WASF3: variants seen among roughly 807,000 people sequenced by gnomAD.
WASF3 encodes WASP family member 3, also known as actin-binding protein WASF3.
A neutral mutation model predicts 46.6 loss-of-function variants in WASF3; 11 were observed. That is an observed-to-expected ratio of 0.24 (90% CI 0.15 to 0.39). WASF3 has a LOEUF of 0.39. Ranked by LOEUF, WASF3 falls within the 10% of genes least tolerant of loss-of-function variation. The pLI, the probability that WASF3 is intolerant of heterozygous loss-of-function variation, is 1.00. For missense variants in WASF3, 576 were observed against 669.8 expected (o/e 0.86, Z 1.55); for synonymous variants, 242 against 259.7 (o/e 0.93, Z 0.65).
chr13:26,548,938 T>A, the WASF3 span, among the ~76,000 whole-genome samples: 1 of 152,086 alleles, frequency 6.6e-6, no homozygotes, highest in Non-Finnish European at 1.5e-5. Flanking sequence ...ATTTACCATC[T>A]ACTTCTCCCC....
the WASF3 span, among the ~76,000 whole-genome samples, chr13:26,541,279 G>A: frequency 5.1e-4 from 78 of 152,228 alleles, no homozygotes; most frequent in African/African-American, 1.8e-3. Context: ...GCCAAATCTC[G>A]AGGGCAGGGA....
intron 3 of WASF3, among the ~76,000 whole-genome samples, chr13:26,659,755 TGA>T (rs1297754268): frequency 6.6e-6 from 1 of 151,930 alleles, no homozygotes; most frequent in Non-Finnish European, 1.5e-5. Flanking sequence ...GTGTGGAGTG[TGA>T]GTGATTGAGA....
intron 6 of WASF3, 95 bp downstream of exon 6, chr13:26,672,084 T>C: frequency 1.0e-6 from 1 of 987,354 alleles, no homozygotes; most frequent in Non-Finnish European, 1.5e-6. Flanking sequence ...AGATATTGGA[T>C]ATAGTGCTGA....
At chr13:26,563,917 A>G (rs76515460) in intron 1 of WASF3, among the ~76,000 whole-genome samples, 3,254 of 151,906 alleles carry the variant, frequency 0.021, 123 homozygotes, top group African/African-American at 0.074. Flanking sequence ...TGATTTCTCA[A>G]CTTTGTACTT....
the WASF3 span, among the ~76,000 whole-genome samples, chr13:26,540,316 C>T: frequency 6.6e-6 from 1 of 152,196 alleles, no homozygotes; most frequent in Non-Finnish European, 1.5e-5. Flanking sequence ...GCCCAGGGCT[C>T]ATAAGTGGAG....
At chr13:26,606,061 G>A (rs532795107) in intron 1 of WASF3, among the ~76,000 whole-genome samples, 1 of 152,240 alleles carries the variant, frequency 6.6e-6, no homozygotes, top group African/African-American at 2.4e-5. Context: ...CTGGTGGGGC[G>A]GCACCTGGTG....
intron 3 of WASF3, among the ~76,000 whole-genome samples, chr13:26,661,260 C>T (rs548160501): frequency 9.2e-5 from 14 of 152,292 alleles, no homozygotes; most frequent in Non-Finnish European, 1.5e-4. Context: ...ACTCTGCGCT[C>T]GTTACAGAAC....
intron 2 of WASF3, among the ~76,000 whole-genome samples, chr13:26,620,382 C>T (rs1326870054): frequency 6.6e-6 from 1 of 151,364 alleles, no homozygotes; most frequent in Non-Finnish European, 1.5e-5. Flanking sequence ...TCTAAAAGGA[C>T]TTAGAAATAA....
chr13:26,568,141 T>G (rs1157368284), intron 1 of WASF3, among the ~76,000 whole-genome samples: 1 of 151,988 alleles, frequency 6.6e-6, no homozygotes, highest in Non-Finnish European at 1.5e-5. Flanking sequence ...GCACTTTGGA[T>G]TTTATTCTGA....
chr13:26,667,721 G>A (rs774692814), intron 5 of WASF3, 51 bp downstream of exon 5: 202 of 1,559,384 alleles, frequency 1.3e-4, no homozygotes, highest in Non-Finnish European at 1.7e-4. Flanking sequence ...GGGAGAGCTG[G>A]GCAGAGCTGG....
intron 3 of WASF3, among the ~76,000 whole-genome samples, chr13:26,655,869 A>G (rs1001505380): frequency 1.3e-5 from 2 of 152,042 alleles, no homozygotes; most frequent in Admixed American, 1.3e-4. Context: ...CTCCCCACCA[A>G]TCTCGGAAGT....
intron 8 of WASF3, among the ~76,000 whole-genome samples, chr13:26,681,957 G>A (rs539804484): frequency 2.6e-5 from 4 of 152,268 alleles, no homozygotes; most frequent in East Asian, 1.9e-4. Flanking sequence ...CTGCTAACAC[G>A]TGTCTGCACA....
intron 1 of WASF3, chr13:26,606,827 C>T (rs1411056709): frequency 6.6e-6 from 1 of 152,148 alleles, no homozygotes; most frequent in Non-Finnish European, 1.5e-5. Flanking sequence ...TTTCCATGCT[C>T]AGTAGTCCCC....
Position 26,688,848 on chromosome 13 carries a change from A to G in WASF3, c.*3003A>G, listed in dbSNP as rs1883488698. The G allele has an allele frequency of 6.6e-6, 1 of 152,192 alleles. No individual in the cohort carries two copies. Among genetic ancestry groups the G allele is most frequent in the South Asian group, 2.1e-4 (1 of 4,826 alleles). 9.4% of individuals were successfully genotyped at this position (152,192 alleles called of 1,614,324 possible). On this transcript the variant is annotated 3_prime_UTR_variant, in exon 10 of 10. Transcript: ENST00000335327. ...TAAAGTGGTATTAAAAAAAACTGTTAAACAATTTTTATCTGTTTGTATATC... is the reference window on the plus strand; with the variant it reads ...TAAAGTGGTATTAAAAAAAACTGTTGAACAATTTTTATCTGTTTGTATATC...
At chr13:26,559,821 T>TCTTTCTTTCTTTCTTTCTTTCTTTCTTTC (rs1879235353) in intron 1 of WASF3, among the ~76,000 whole-genome samples, 1 of 127,228 alleles carries the variant, frequency 7.9e-6, no homozygotes, top group Non-Finnish European at 1.7e-5. Flanking sequence ...TTTTTTTTTT[T>TCTTTCTTTCTTTCTTTCTTTCTTTCTTTC]TTTTTTTTTT....
At chr13:26,565,623 C>T (rs1478595536) in intron 1 of WASF3, among the ~76,000 whole-genome samples, 2 of 152,136 alleles carry the variant, frequency 1.3e-5, no homozygotes, top group Non-Finnish European at 2.9e-5. Context: ...TACACAGTAA[C>T]CCCCTAATTC....
intron 3 of WASF3, among the ~76,000 whole-genome samples, chr13:26,650,791 G>A (rs542152876): frequency 2.6e-5 from 4 of 152,244 alleles, no homozygotes; most frequent in Admixed American, 1.3e-4. Flanking sequence ...AGTGATTGGT[G>A]AACTTGGAAA....
chr13:26,652,061 A>C (rs1566063646), intron 3 of WASF3, among the ~76,000 whole-genome samples: 1 of 152,342 alleles, frequency 6.6e-6, no homozygotes, highest in East Asian at 1.9e-4. Context: ...ATTGAATCCT[A>C]ACCACATCAA....
intron 9 of WASF3, among the ~76,000 whole-genome samples, chr13:26,683,579 C>T (rs1883310206): frequency 6.6e-6 from 1 of 151,714 alleles, no homozygotes; most frequent in South Asian, 2.1e-4. Context: ...TCTCTGCATT[C>T]TGCTCTAAGG....
Sources: gnomAD v4.1 joint callset for allele counts (sites outside exome capture counted in the v4.1 genomes callset) on GRCh38, gnomAD v4.1.1 for gene constraint, MANE v1.5 for transcripts, NCBI Gene and HGNC (gene_info 2026-07-23, HGNC 2026-07-21) for gene names.